The following CFAP221 variants were observed in gnomAD, a reference collection of about 807,000 sequenced individuals.
CFAP221 encodes the protein cilia- and flagella-associated protein 221.
Under a neutral mutation model 113.1 loss-of-function variants are expected in CFAP221, and 97 were observed. The observed-to-expected ratio is 0.86, with a 90% confidence interval of 0.73 to 1.02. CFAP221 has a LOEUF of 1.02. Among genes scored for constraint, CFAP221 ranks in the 50% least tolerant of loss-of-function variants. The pLI is 0.00. For missense variants in CFAP221, 1,025 were observed against 1,013.4 expected (o/e 1.01, Z -0.16); for synonymous variants, 331 against 354.4 (o/e 0.93, Z 0.74).
chr2:119,557,396 A>G (rs1009294805), intron 3 of CFAP221: 1 of 152,300 alleles, frequency 6.6e-6, no homozygotes, highest in African/African-American at 2.4e-5. Context: ...GGAGGCTTTG[A>G]TGGCCGCAGG....
chr2:119,623,764 G>A (rs540678308), intron 14 of CFAP221, among the ~76,000 whole-genome samples: 1 of 152,346 alleles, frequency 6.6e-6, no homozygotes, highest in South Asian at 2.1e-4. Flanking sequence ...ACAAGCAATG[G>A]GGAAAGGATT....
At chr2:119,623,541 AAAG>A (rs1489740623) in intron 14 of CFAP221, among the ~76,000 whole-genome samples, 1 of 152,246 alleles carries the variant, frequency 6.6e-6, no homozygotes, top group Non-Finnish European at 1.5e-5. Context: ...TGGAACCAAA[AAAG>A]AGCCAGTATC....
chr2:119,559,745 C>G lies in CFAP221; in HGVS notation c.297C>G (p.Thr99=). 1 of 1,531,322 alleles carries G rather than the reference C, an allele frequency of 6.5e-7. No individual in the cohort carries two copies. The highest frequency in any genetic ancestry group is 8.8e-7 in the Non-Finnish European group (1 of 1,142,702). 94.9% of individuals were successfully genotyped at this position (1,531,322 alleles called of 1,614,324 possible). ...DTRVHILPPQ[T]KYFEINYVRK... is the part of the protein sequence containing the mutation. ...GTGTTCATATTTTACCCCCGCAAAC[C>G]AAATACTTTGAGATCAATTATGTAA... The change falls in exon 4 of 24, where the codon ACC becomes ACG. Residue 99 remains threonine (T), a synonymous_variant. Coordinates refer to ENST00000413369, the MANE Select transcript of CFAP221 (RefSeq NM_001271049.2).
chr2:119,589,471 A>G (rs1186017412), intron 7 of CFAP221: 1 of 152,260 alleles, frequency 6.6e-6, no homozygotes, highest in Non-Finnish European at 1.5e-5. Flanking sequence ...CAGATAGACT[A>G]AGAAACTGGG....
chr2:119,612,812 A>G (rs1244359101), intron 13 of CFAP221, among the ~76,000 whole-genome samples: 3 of 152,188 alleles, frequency 2.0e-5, no homozygotes, highest in African/African-American at 7.2e-5. Flanking sequence ...AAACACAATC[A>G]TGCCCTTCCA....
At chr2:119,628,191 T>G (rs150065763) in intron 16 of CFAP221, among the ~76,000 whole-genome samples, 5 of 152,128 alleles carry the variant, frequency 3.3e-5, no homozygotes, top group Non-Finnish European at 7.4e-5. Flanking sequence ...AGGGCAGCCC[T>G]CAAGTCTGGG....
intron 6 of CFAP221, among the ~76,000 whole-genome samples, chr2:119,585,394 A>G (rs1038030977): frequency 1.3e-5 from 2 of 152,226 alleles, no homozygotes; most frequent in African/African-American, 2.4e-5. Context: ...TTTGGAACAG[A>G]TTTCAATTTT....
At chr2:119,587,019 CATT>C in intron 6 of CFAP221, 97 bp from the exon 7 acceptor site, 12 of 814,912 alleles carry the variant, frequency 1.5e-5, no homozygotes, top group Non-Finnish European at 2.2e-5. Context: ...TGGCAGTCAT[CATT>C]GTTTATTACG....
chr2:119,645,158 C>T (rs1186424407), intron 21 of CFAP221, among the ~76,000 whole-genome samples: 1 of 151,278 alleles, frequency 6.6e-6, no homozygotes, highest in East Asian at 1.9e-4. Context: ...GTCTTTCTTT[C>T]CTTCCAGTGT....
intron 8 of CFAP221, chr2:119,602,853 G>T: frequency 1.2e-6 from 1 of 868,232 alleles, no homozygotes; most frequent in Non-Finnish European, 1.4e-6. Context: ...ATTTTTATTT[G>T]TATATCCTTC....
intron 14 of CFAP221, among the ~76,000 whole-genome samples, chr2:119,618,316 G>A (rs1473381163): frequency 6.6e-6 from 1 of 152,212 alleles, no homozygotes; most frequent in African/African-American, 2.4e-5. Flanking sequence ...AATAGGAACA[G>A]CTCCTGTCTG....
At chr2:119,645,799 G>T (rs12999064) in intron 21 of CFAP221, among the ~76,000 whole-genome samples, 41,193 of 152,044 alleles carry the variant, frequency 0.27, 6,519 homozygotes, top group Middle Eastern at 0.37. Flanking sequence ...GTGGGCTCCA[G>T]GCTCTGTCAT....
chr2:119,568,135 A>G (rs889950811), intron 6 of CFAP221, among the ~76,000 whole-genome samples: 20 of 152,236 alleles, frequency 1.3e-4, no homozygotes, highest in African/African-American at 4.6e-4. Context: ...ATATATAAGT[A>G]TACATTAGCA....
chr2:119,629,748 T>TA, intron 16 of CFAP221, 127 bp from the exon 17 acceptor site: 1 of 664,650 alleles, frequency 1.5e-6, no homozygotes, highest in Non-Finnish European at 2.5e-6. Context: ...GTGGCAACTG[T>TA]GGTTGCAGGA....
intron 21 of CFAP221, among the ~76,000 whole-genome samples, chr2:119,640,360 C>G (rs1171742190): frequency 6.6e-6 from 1 of 152,156 alleles, no homozygotes; most frequent in Non-Finnish European, 1.5e-5. Context: ...AGAAAACAGC[C>G]CTGCTCCAGA....
intron 6 of CFAP221, among the ~76,000 whole-genome samples, chr2:119,570,400 A>G (rs1574026602): frequency 6.6e-6 from 1 of 152,218 alleles, no homozygotes; most frequent in Non-Finnish European, 1.5e-5. Flanking sequence ...TAATTCACAT[A>G]TGATAAAATT....
At chr2:119,564,385 T>A (rs1681475568) in intron 6 of CFAP221, among the ~76,000 whole-genome samples, 1 of 152,200 alleles carries the variant, frequency 6.6e-6, no homozygotes, top group African/African-American at 2.4e-5. Flanking sequence ...CTTTAAAAAT[T>A]GTAAAATAAA....
intron 8 of CFAP221, chr2:119,602,586 A>T (rs1249318010): frequency 1.0e-6 from 1 of 979,622 alleles, no homozygotes; most frequent in African/African-American, 1.8e-5. Context: ...TTAGATATTT[A>T]TATCATGATT....
chr2:119,560,149 G>T, intron 5 of CFAP221, 123 bp downstream of exon 5: 3 of 768,984 alleles, frequency 3.9e-6, no homozygotes, highest in Non-Finnish European at 6.2e-6. Flanking sequence ...CCCAGTACCG[G>T]GTGTTCCCCA....
Sources: allele counts gnomAD v4.1 joint callset (sites outside exome capture counted in the v4.1 genomes callset), GRCh38; gene constraint gnomAD v4.1.1; transcripts MANE v1.5; gene names NCBI Gene and HGNC (gene_info 2026-07-23, HGNC 2026-07-21).